Variants in CPT1C observed in about 807,000 individuals in gnomAD.
CPT1C encodes carnitine palmitoyltransferase 1C, also known as palmitoyl thioesterase CPT1C.
Under a neutral mutation model 97.3 loss-of-function variants are expected in CPT1C, and 61 were observed. The observed-to-expected ratio is 0.63, with a 90% CI of 0.51 to 0.78. The LOEUF (loss-of-function observed/expected upper bound fraction) is 0.78, where lower values mean the gene tolerates loss of function less well. CPT1C is among the 30% of genes least tolerant of loss of function. CPT1C has a pLI of 0.00. For missense variants in CPT1C, 975 were observed against 1,065.5 expected, an observed-to-expected ratio of 0.92 and a Z score of 1.18; for synonymous variants, 469 against 447.2, an observed-to-expected ratio of 1.05 and a Z score of -0.61.
At chr19:49,707,468 G>T in intron 12 of CPT1C, 50 bp from the exon 13 acceptor site, 6 of 1,349,848 alleles carry the variant, frequency 4.4e-6, no homozygotes, top group Non-Finnish European at 6.4e-6. Context: ...AGCACTCTGA[G>T]GTCCCCGTGC....
In CPT1C at chr19:49,701,302, A is replaced by T. The variant is rs368140661; in HGVS notation, c.454-15A>T. ...CCGGTGAGGGGTTAATGACCCGGTA[A>T]CTCCTCCTCCCCAGGCCCTGGTCCG... On this transcript the variant is annotated splice_polypyrimidine_tract_variant and intron_variant, in intron 5 of 19. Coordinates refer to ENST00000598293, the MANE Select transcript of CPT1C (RefSeq NM_001199753.2). 7 of 1,602,686 alleles carry T rather than the reference A, an allele frequency of 4.4e-6. No individual in the cohort carries two copies. The highest frequency in any genetic ancestry group is 6.0e-6 in the Non-Finnish European group (7 of 1,175,218).
chr19:49,692,460 T>C, intron 3 of CPT1C, 67 bp downstream of exon 3: 4 of 1,577,586 alleles, frequency 2.5e-6, no homozygotes, highest in East Asian at 2.3e-5. Context: ...TGTCTGAGGC[T>C]CACTTCCGGC....
Position 49,706,390 on chromosome 19 carries a change from G to T in CPT1C, c.1320G>T (p.Leu440=), listed in dbSNP as rs1294492836. 1 of 1,499,580 alleles carries T rather than the reference G, an allele frequency of 6.7e-7. No individual in the cohort carries two copies. The highest frequency in any genetic ancestry group is 2.6e-5 in the Admixed American group (1 of 37,758). 92.9% of individuals were successfully genotyped at this position (1,499,580 alleles called of 1,614,324 possible). A position where few individuals can be genotyped will look rare whatever the true frequency, so the allele number is the denominator to read the frequency against. ...AASLDAYAHA[L]LAGRGHDRWF... ...CGTTGGATGCCTACGCCCATGCTCTGCTGGCCGGCCGGGGCCATGATCGGT... is the reference window on the plus strand; with the variant it reads ...CGTTGGATGCCTACGCCCATGCTCTTCTGGCCGGCCGGGGCCATGATCGGT... Residue 440 remains leucine, a synonymous_variant, in exon 12 of 20, where the codon CTG becomes CTT. Transcript: ENST00000598293. This position sits in a 1 kb window ranked among gnomAD's most constrained non-coding sequence, Gnocchi z 4.8.
At chr19:49,697,267 A>G (rs1032706370) in intron 3 of CPT1C, 59 bp from the exon 4 acceptor site, 12 of 1,609,078 alleles carry the variant, frequency 7.5e-6, no homozygotes, top group Non-Finnish European at 1.0e-5. Flanking sequence ...GGGATGGCAC[A>G]GAACAGGGGC....
At chr19:49,710,140 G>T (rs768955065) in intron 14 of CPT1C, among the ~76,000 whole-genome samples, 180 bp from the exon 15 acceptor site, 33 of 152,030 alleles carry the variant, frequency 2.2e-4, no homozygotes, top group Non-Finnish European at 4.7e-4. Flanking sequence ...GCGCCACCAC[G>T]CCCAGCCCCT....
Position 49,706,795 on chromosome 19 carries a change from T to C in CPT1C, c.1343+382T>C, listed in dbSNP as rs2083524280. 1.3e-5 allele frequency among the ~76,000 whole-genome samples: 2 copies of C among 151,974 alleles called. No homozygotes were observed. The highest frequency in any genetic ancestry group is 6.6e-5 in the Admixed American group (1 of 15,236). On this transcript the variant is annotated intron_variant, in intron 12 of 19. Transcript: ENST00000598293. This position sits in a 1 kb window ranked among gnomAD's most constrained non-coding sequence, Gnocchi z 4.8. ...GACTTGGCAACCTCAGCCTCAGAAC[T>C]TGAACCATTCAATCCTCAGGCCTTA...
chr19:49,695,811 G>C (rs941814832), intron 3 of CPT1C, among the ~76,000 whole-genome samples: 3 of 151,946 alleles, frequency 2.0e-5, no homozygotes, highest in Admixed American at 2.0e-4. Flanking sequence ...TCGATCTCTT[G>C]ACCTCGTGAT....
intron 12 of CPT1C, 150 bp from the exon 13 acceptor site, chr19:49,707,368 G>A: frequency 1.6e-6 from 1 of 623,588 alleles, no homozygotes. Flanking sequence ...CACTACTGGG[G>A]ACCCCCAATG....
chr19:49,701,380 C>T lies in CPT1C; in HGVS notation c.517C>T (p.Arg173Cys), dbSNP rs1568517427. 4 of 1,613,644 alleles carry T rather than the reference C, an allele frequency of 2.5e-6. No individual in the cohort carries two copies. Among genetic ancestry groups the T allele is most frequent in the Non-Finnish European group, 3.4e-6 (4 of 1,179,928 alleles). ...GTTCAGTTACCAGCGCTCCCTGCCA[C>T]GCCAGCCCGTGCCCTCTGTGCAGGA... Reference protein sequence around the residue: ...MLFSYQRSLPRQPVPSVQDTV... With the variant: ...MLFSYQRSLPCQPVPSVQDTV... Residue 173 changes from arginine to cysteine, a missense_variant, in exon 6 of 20, where the codon CGC becomes TGC. This residue lies in a region of CPT1C where 596 missense variants were observed against 603.1 expected (regional missense o/e 0.99). Coordinates refer to ENST00000598293, the MANE Select transcript of CPT1C (RefSeq NM_001199753.2).
intron 16 of CPT1C, 59 bp downstream of exon 16, chr19:49,710,916 C>A (rs192009968): frequency 2.6e-6 from 4 of 1,546,296 alleles, no homozygotes; most frequent in Non-Finnish European, 3.5e-6. Flanking sequence ...CATCCACTTG[C>A]AAACGTTGAT....
In CPT1C at chr19:49,710,426, G is replaced by A. The variant is rs749580293; in HGVS notation, c.1673G>A (p.Arg558His). Residue 558 changes from arginine to histidine, a missense_variant, in exon 15 of 20, where the codon CGC becomes CAC. Physicochemically the swap from Arg to His is conservative, Grantham distance 29. This residue lies in a region of CPT1C where 344 missense variants were observed against 395.7 expected (regional missense o/e 0.87). Coordinates refer to ENST00000598293, the MANE Select transcript of CPT1C (RefSeq NM_001199753.2). ...CTATTTGGCAAGAGCTTCATCCGAC[G>A]CTGCCACCTCTCTTCAGACAGCTTC... is the stretch of plus-strand genomic sequence containing the variant. The part of the protein sequence containing the change: ...FSLFGKSFIR[R>H]CHLSSDSFIQ... 3.1e-6 allele frequency: 5 copies of A among 1,613,976 alleles called. No homozygotes were observed. Among genetic ancestry groups the A allele is most frequent in the Non-Finnish European group, 2.5e-6 (3 of 1,180,034 alleles).
chr19:49,708,002 C>CAAAAAAAAAA (rs60276067), intron 13 of CPT1C, among the ~76,000 whole-genome samples: 5 of 56,786 alleles, frequency 8.8e-5, no homozygotes, highest in Non-Finnish European at 1.1e-4. Context: ...GAATACATCT[C>CAAAAAAAAAA]AAAAAAAAAA....
At chr19:49,707,309 AC>A (rs747886027) in intron 12 of CPT1C, among the ~76,000 whole-genome samples, 1 of 152,080 alleles carries the variant, frequency 6.6e-6, no homozygotes, top group Non-Finnish European at 1.5e-5. Flanking sequence ...AAACAAAAAA[AC>A]AATCTCCAAA....
At chr19:49,713,389 T>C in intron 19 of CPT1C, 31 bp from the exon 20 acceptor site, 1 of 1,575,978 alleles carries the variant, frequency 6.3e-7, no homozygotes, top group Non-Finnish European at 8.6e-7. Context: ...ATCTCCCAGC[T>C]TCCCCTGGCT....
Position 49,701,523 on chromosome 19 carries a change from C to T in CPT1C, c.582C>T (p.Leu194=), listed in dbSNP as rs748219899. ...RKYLESVRPI[L]SDEDFDWTAV... is the part of the protein sequence containing the mutation. The stretch of plus-strand genomic sequence containing the variant: ...ACCTGGAGTCGGTCCGGCCCATCCT[C>T]TCCGACGAGGACTTCGACTGGACCG... The change falls in exon 7 of 20, where the codon CTC becomes CTT. Residue 194 remains leucine (L), a synonymous_variant. Transcript: ENST00000598293. The T allele has an allele frequency of 1.9e-6, 3 of 1,611,638 alleles. No homozygotes were observed. The highest frequency in any genetic ancestry group is 1.1e-5 in the South Asian group (1 of 90,872).
At position 49,711,966 on chromosome 19, in the gene CPT1C, G is replaced by T; in HGVS notation, c.2019+5G>T. ...CAGTCGCCCTTCCTGACCCAGGTTGGGGCACAGGGAAAGGGTTAGAGAGGG... is the reference window on the plus strand; with the variant it reads ...CAGTCGCCCTTCCTGACCCAGGTTGTGGCACAGGGAAAGGGTTAGAGAGGG... On this transcript the variant is annotated splice_donor_5th_base_variant and intron_variant, in intron 17 of 19. Coordinates refer to ENST00000598293, the MANE Select transcript of CPT1C (RefSeq NM_001199753.2). 6.2e-7 allele frequency: 1 copy of T among 1,613,490 alleles called. No individual in the cohort carries two copies. Among genetic ancestry groups the T allele is most frequent in the Non-Finnish European group, 8.5e-7 (1 of 1,179,624 alleles).
At position 49,712,742 on chromosome 19, in the gene CPT1C, T is replaced by G; in HGVS notation, c.2026T>G (p.Ser676Ala). 6.2e-7 allele frequency: 1 copy of G among 1,613,368 alleles called. No individual in the cohort carries two copies. Among genetic ancestry groups the G allele is most frequent in the African/African-American group, 1.3e-5 (1 of 74,984 alleles). Residue 676 changes from serine to alanine, a missense_variant, in exon 18 of 20, where the codon TCG becomes GCG. Ser to Ala is a moderately conservative substitution (Grantham distance 99). This residue lies in a region of CPT1C where 344 missense variants were observed against 395.7 expected (regional missense o/e 0.87). Coordinates refer to ENST00000598293, the MANE Select transcript of CPT1C (RefSeq NM_001199753.2). ...GATGGGCTCCTGTCCTCAGGTCCATTCGGAGCAGTGGCAGCTGTCCACCAG... is the reference window on the plus strand; with the variant it reads ...GATGGGCTCCTGTCCTCAGGTCCATGCGGAGCAGTGGCAGCTGTCCACCAG... ...LQSPFLTQVH[S>A]EQWQLSTSQI...
chr19:49,701,444 C>A, intron 6 of CPT1C, 26 bp downstream of exon 6: 1 of 1,590,006 alleles, frequency 6.3e-7, no homozygotes, highest in Non-Finnish European at 8.6e-7. Context: ...CGCAGACGGG[C>A]TGGGGCGGCC....
At chr19:49,694,928 C>G (rs1175526251) in intron 3 of CPT1C, among the ~76,000 whole-genome samples, 1 of 152,098 alleles carries the variant, frequency 6.6e-6, no homozygotes, top group African/African-American at 2.4e-5. Flanking sequence ...ATCACGAGGT[C>G]AGGAGATCAA....
Sources: gnomAD v4.1 joint callset for allele counts (sites outside exome capture counted in the v4.1 genomes callset) on GRCh38, gnomAD v4.1.1 for gene constraint, gnomAD v4.1.1 regional missense constraint, Gnocchi (gnomAD v3.1) non-coding constraint, MANE v1.5 for transcripts, NCBI Gene and HGNC (gene_info 2026-07-23, HGNC 2026-07-21) for gene names.